The following PRCD variants were observed in gnomAD, a reference collection of about 807,000 sequenced individuals.
PRCD encodes photoreceptor disc component.
PRCD carries 12 observed loss-of-function variants against 10.1 expected under a neutral mutation model. That is an observed-to-expected ratio of 1.18 (90% confidence interval 0.76 to 1.92). PRCD has a LOEUF of 1.92. PRCD is among the 40% of genes most tolerant of loss of function. PRCD has a pLI of 0.00. For synonymous variants in PRCD, 31 were observed against 26.2 expected, an observed-to-expected ratio of 1.18 and a Z score of -0.56; for missense variants, 61 against 72.2, an observed-to-expected ratio of 0.84 and a Z score of 0.56.
chr17:76,550,825 T>C (rs1414750067), intron 1 of PRCD: 1 of 152,228 alleles, frequency 6.6e-6, no homozygotes, highest in East Asian at 1.9e-4. Context: ...TCAAAGTATG[T>C]TGAAATAACA....
In PRCD at chr17:76,532,696, T is replaced by C. The variant is rs2074861678; in HGVS notation, n.45+4863T>C. Among the ~76,000 whole-genome samples the C allele has an allele frequency of 2.6e-5, 4 of 151,566 alleles. No homozygotes were observed. The South Asian group carries it at 8.4e-4, about 32-fold the overall frequency. On this transcript the variant is annotated intron_variant and non_coding_transcript_variant, in intron 1 of 4. Coordinates refer to the PRCD transcript ENST00000397633. ...ACAGGCATCCATCACCACGCCCGGC[T>C]AGCTAATTTTTTGTATTTTTAGTAG...
chr17:76,537,316 C>G, upstream of PRCD: 1 of 1,393,348 alleles, frequency 7.2e-7, no homozygotes, highest in Non-Finnish European at 9.3e-7. Context: ...GGCGCTGGAG[C>G]TCGGACCCGG....
upstream of PRCD, among the ~76,000 whole-genome samples, chr17:76,535,743 C>T (rs377077980): frequency 2.6e-5 from 4 of 152,196 alleles, no homozygotes; most frequent in Non-Finnish European, 2.9e-5. Flanking sequence ...GCCCTGGCCT[C>T]GGTGTTTCGT....
Position 76,544,308 on chromosome 17 carries a change from G to A in PRCD, c.*658G>A. The stretch of plus-strand genomic sequence containing the variant: ...CCTTGACTTCCAGGCAGTAGAAGAT[G>A]GAGTTCTCTAGACAGCAGCACTTCA... On this transcript the variant is annotated 3_prime_UTR_variant, in exon 5 of 5. Coordinates refer to ENST00000592014, the MANE Select transcript of PRCD (RefSeq NM_001077620.3). 2.2e-6 allele frequency: 1 copy of A among 454,450 alleles called. No individual in the cohort carries two copies. Among genetic ancestry groups the A allele is most frequent in the South Asian group, 1.6e-5 (1 of 64,474 alleles). The allele number at this position is 454,450 out of a possible 1,614,324, so 28.2% of individuals were successfully genotyped here. A position where few individuals can be genotyped will look rare whatever the true frequency, so the allele number is the denominator to read the frequency against.
rs950693858 is a variant in PRCD at position 76,545,260 on chromosome 17, C to T, written c.*1610C>T. ...GCCTAGAGCTCCCCACAGAAGGCTC[C>T]TGGGACCCGGGTGCCCCTTCCTTGG... On this transcript the variant is annotated 3_prime_UTR_variant, in exon 5 of 5. Coordinates refer to ENST00000592014, the MANE Select transcript of PRCD (RefSeq NM_001077620.3). 8.8e-6 allele frequency: 4 copies of T among 456,672 alleles called. No individual in the cohort carries two copies. The highest frequency in any genetic ancestry group is 8.0e-5 in the African/African-American group (4 of 50,094). The allele number at this position is 456,672 out of a possible 1,614,324, so 28.3% of individuals were successfully genotyped here. A position where few individuals can be genotyped will look rare whatever the true frequency, so the allele number is the denominator to read the frequency against.
downstream of PRCD, among the ~76,000 whole-genome samples, chr17:76,548,156 CACAT>C (rs1227973987): frequency 1.3e-5 from 2 of 151,874 alleles, no homozygotes; most frequent in Non-Finnish European, 2.9e-5. Flanking sequence ...TACACATTCA[CACAT>C]ACACACACAC....
At chr17:76,541,536 G>A (rs1373325271) in intron 2 of PRCD, among the ~76,000 whole-genome samples, 2 of 152,092 alleles carry the variant, frequency 1.3e-5, no homozygotes, top group Admixed American at 1.3e-4. Flanking sequence ...GTCTCCTGTC[G>A]TCTGAGTCCT....
At chr17:76,537,466 G>T (rs758935818), upstream of PRCD, 1 of 1,596,878 alleles carries the variant, frequency 6.3e-7, no homozygotes, top group Non-Finnish European at 8.5e-7. Flanking sequence ...AGCCTGCACC[G>T]CCTTCCTCTC....
chr17:76,544,021 TCA>T lies in PRCD; in HGVS notation c.*372_*373del, dbSNP rs1403181755. On this transcript the variant is annotated 3_prime_UTR_variant, in exon 5 of 5. Transcript: ENST00000592014. Reference sequence around the variant, plus strand: ...CTTGTTTTTATCAATTTGCTGATGCTCAGTCCCGGCGGCTGCCTCCTTTGCCC... The same window carrying T: ...CTTGTTTTTATCAATTTGCTGATGCTGTCCCGGCGGCTGCCTCCTTTGCCC... 1 of 455,708 alleles carries T rather than the reference TCA, an allele frequency of 2.2e-6. No homozygotes were observed. Among genetic ancestry groups the T allele is most frequent in the Non-Finnish European group, 4.4e-6 (1 of 226,978 alleles). The allele number at this position is 455,708 out of a possible 1,614,324, so 28.2% of individuals were successfully genotyped here. A position where few individuals can be genotyped will look rare whatever the true frequency, so the allele number is the denominator to read the frequency against.
At position 76,531,016 on chromosome 17, in the gene PRCD, C is replaced by G. The variant is rs2074832314; in HGVS notation, n.45+3183C>G. 6.2e-7 allele frequency: 1 copy of G among 1,612,934 alleles called. No individual in the cohort carries two copies. The highest frequency in any genetic ancestry group is 8.5e-7 in the Non-Finnish European group (1 of 1,179,682). Reference sequence around the variant, plus strand: ...GGGACCTGCTGCACCCAGCCCACTTCCTTGTAGGCAGCGGTCACGTGGCTG... The same window carrying G: ...GGGACCTGCTGCACCCAGCCCACTTGCTTGTAGGCAGCGGTCACGTGGCTG... On this transcript the variant is annotated intron_variant and non_coding_transcript_variant, in intron 1 of 4. Transcript: ENST00000397633. The surrounding 1 kb of genome is among the most constrained non-coding windows in gnomAD (Gnocchi z 7.4).
upstream of PRCD, chr17:76,537,600 C>T: frequency 1.9e-6 from 2 of 1,048,592 alleles, no homozygotes; most frequent in Admixed American, 5.7e-5. Flanking sequence ...GGGCGCGGGG[C>T]GCGGGGCGCG....
chr17:76,541,013 G>A (rs62086577), intron 2 of PRCD, among the ~76,000 whole-genome samples: 25,627 of 152,174 alleles, frequency 0.17, 2,519 homozygotes, highest in East Asian at 0.35. Context: ...TAGAAGGCGC[G>A]GGAGGAGCAT....
intron 1 of PRCD, chr17:76,529,330 C>A: frequency 1.0e-6 from 1 of 985,442 alleles, no homozygotes; most frequent in South Asian, 4.7e-5. Context: ...CCATGGGGTG[C>A]CAGTTTCCAC....
At chr17:76,527,874 T>C (rs1258644301) in intron 1 of PRCD, 1 of 444,542 alleles carries the variant, frequency 2.2e-6, no homozygotes, top group African/African-American at 2.0e-5. Flanking sequence ...AGCCCACTCC[T>C]TTCTGCCTGG....
rs1353801528 is a variant in PRCD, at chr17:76,530,189, T to G, written n.45+2356T>G. On this transcript the variant is annotated intron_variant and non_coding_transcript_variant, in intron 1 of 4. Transcript: ENST00000397633. The surrounding 1 kb of genome is among the most constrained non-coding windows in gnomAD (Gnocchi z 6.1). ...CTCTGCTTCCCATTCCCGCCTCCGC[T>G]CCTCTCCTCCTTCCTACTCCAGCCC... 6.6e-6 allele frequency among the ~76,000 whole-genome samples: 1 copy of G among 152,014 alleles called. No individual in the cohort carries two copies. The highest frequency in any genetic ancestry group is 1.5e-5 in the Non-Finnish European group (1 of 67,986).
intron 1 of PRCD, chr17:76,532,051 C>T: frequency 5.1e-6 from 1 of 194,378 alleles, no homozygotes; most frequent in African/African-American, 2.3e-5. Flanking sequence ...ATGAGTTGAT[C>T]TGAAATTAAA....
chr17:76,540,250 T>TGGGGGGGGGG lies in PRCD; in HGVS notation c.74+35_74+36insGGGGGGGGGG. 2 of 463,680 alleles carry TGGGGGGGGGG rather than the reference T, an allele frequency of 4.3e-6. No individual in the cohort carries two copies. The highest frequency in any genetic ancestry group is 4.2e-5 in the East Asian group (1 of 23,658). The allele number at this position is 463,680 out of a possible 1,614,324, so 28.7% of individuals were successfully genotyped here. On this transcript the variant is annotated intron_variant, in intron 1 of 4. Coordinates refer to ENST00000592014, the MANE Select transcript of PRCD (RefSeq NM_001077620.3). This position sits in a 1 kb window ranked among gnomAD's most constrained non-coding sequence, Gnocchi z 5.0. ...TGACCGGGCTATGGCTGGCGGTTGG[T>TGGGGGGGGGG]CGGGGGGGGGGGGCATGGGGCTGGG...
intron 4 of PRCD, among the ~76,000 whole-genome samples, 181 bp from the exon 5 acceptor site, chr17:76,543,622 A>G (rs1474848376): frequency 6.6e-6 from 1 of 152,168 alleles, no homozygotes; most frequent in Non-Finnish European, 1.5e-5. Context: ...GCTCCTACCC[A>G]CCATGGCAGG....
chr17:76,528,718 A>C lies in PRCD; in HGVS notation n.45+885A>C, dbSNP rs1256135619. 4.3e-5 allele frequency: 49 copies of C among 1,127,802 alleles called. No individual in the cohort carries two copies. The highest frequency in any genetic ancestry group is 5.6e-5 in the Non-Finnish European group (49 of 879,570). 69.9% of individuals were successfully genotyped at this position (1,127,802 alleles called of 1,614,324 possible). On this transcript the variant is annotated intron_variant and non_coding_transcript_variant, in intron 1 of 4. Transcript: ENST00000397633. This position sits in a 1 kb window ranked among gnomAD's most constrained non-coding sequence, Gnocchi z 5.8. ...CTGGCGAGGCTCACTTCCTGCCAAGAGATCCGGCACAGTGCAGTTGAAAGC... is the reference window on the plus strand; with the variant it reads ...CTGGCGAGGCTCACTTCCTGCCAAGCGATCCGGCACAGTGCAGTTGAAAGC...
Sources: allele counts gnomAD v4.1 joint callset (sites outside exome capture counted in the v4.1 genomes callset), GRCh38; gene constraint gnomAD v4.1.1; non-coding constraint Gnocchi (gnomAD v3.1); transcripts MANE v1.5; gene names NCBI Gene and HGNC (gene_info 2026-07-23, HGNC 2026-07-21).